PLCL2: variants seen among roughly 807,000 people sequenced by gnomAD.
PLCL2 encodes the protein phospholipase C like 2.
In PLCL2, 4 loss-of-function variants were observed where a neutral mutation model predicts 79.6. That is an observed-to-expected ratio of 0.05 (90% CI 0.02 to 0.11). The LOEUF (loss-of-function observed/expected upper bound fraction) is 0.11, where lower values mean the gene tolerates loss of function less well. PLCL2 is among the 10% of genes least tolerant of loss of function. The probability of loss-of-function intolerance (pLI) is 1.00; values close to 1 mark genes in which losing one functional copy is unlikely to be tolerated. For missense variants in PLCL2, 895 were observed against 1,291.0 expected, an observed-to-expected ratio of 0.69 and a Z score of 4.70; for synonymous variants, 484 against 457.7, an observed-to-expected ratio of 1.06 and a Z score of -0.73.
At chr3:17,069,445 G>A (rs1384865298) in intron 5 of PLCL2, among the ~76,000 whole-genome samples, 2 of 152,056 alleles carry the variant, frequency 1.3e-5, no homozygotes, top group Middle Eastern at 3.2e-3. Context: ...TCTTTGGTGG[G>A]TCCAGTTTCT....
chr3:16,957,842 G>A (rs2063720886), intron 1 of PLCL2, among the ~76,000 whole-genome samples: 1 of 152,116 alleles, frequency 6.6e-6, no homozygotes, highest in Non-Finnish European at 1.5e-5. Context: ...TCAGAGACTA[G>A]GATTGCAACC....
At chr3:16,906,690 T>G (rs1696759698) in intron 1 of PLCL2, among the ~76,000 whole-genome samples, 1 of 152,244 alleles carries the variant, frequency 6.6e-6, no homozygotes, top group Non-Finnish European at 1.5e-5. Flanking sequence ...AATTATTTTC[T>G]AAAATAAAGC....
intron 1 of PLCL2, among the ~76,000 whole-genome samples, chr3:16,982,536 A>T (rs2124989205): frequency 6.6e-6 from 1 of 152,178 alleles, no homozygotes; most frequent in East Asian, 1.9e-4. Flanking sequence ...AAGATTTTTG[A>T]ATTGAGAAGC....
intron 3 of PLCL2, among the ~76,000 whole-genome samples, chr3:17,022,801 T>A (rs2064470341): frequency 1.3e-5 from 2 of 152,226 alleles, no homozygotes; most frequent in South Asian, 4.1e-4. Context: ...AGCTTCATAC[T>A]CATCCCAGGT....
At chr3:17,063,315 C>G (rs116432998) in intron 4 of PLCL2, among the ~76,000 whole-genome samples, 866 of 59,188 alleles carry the variant, frequency 0.015, 44 homozygotes, top group African/African-American at 0.064. Context: ...CTCCTTCCTT[C>G]TTTTTTTTTA....
intron 4 of PLCL2, chr3:17,044,258 G>A (rs2064758800): frequency 6.6e-6 from 1 of 152,406 alleles, no homozygotes; most frequent in Non-Finnish European, 1.5e-5. Context: ...GGAAGGGATG[G>A]TGAGCCATCT....
chr3:17,059,452 G>A (rs909426549), intron 4 of PLCL2, among the ~76,000 whole-genome samples: 9 of 150,470 alleles, frequency 6.0e-5, no homozygotes, highest in African/African-American at 2.2e-4. Context: ...GTGTGTGTGT[G>A]TATATATATG....
chr3:17,043,644 C>G (rs1455741088), intron 4 of PLCL2, among the ~76,000 whole-genome samples: 1 of 150,990 alleles, frequency 6.6e-6, no homozygotes, highest in Non-Finnish European at 1.5e-5. Flanking sequence ...AAAAATTGTC[C>G]TGACTTTCTA....
At chr3:17,014,085 A>G (rs1413849786) in intron 2 of PLCL2, among the ~76,000 whole-genome samples, 3 of 152,222 alleles carry the variant, frequency 2.0e-5, no homozygotes, top group Non-Finnish European at 4.4e-5. Flanking sequence ...TTTAAATGGC[A>G]TATCTCTGGT....
At position 17,089,831 on chromosome 3, in the gene PLCL2, C is replaced by T; in HGVS notation, c.3303C>T (p.Gly1101=). 1 of 1,613,914 alleles carries T rather than the reference C, an allele frequency of 6.2e-7. No homozygotes were observed. The highest frequency in any genetic ancestry group is 8.5e-7 in the Non-Finnish European group (1 of 1,179,830). The change falls in exon 6 of 6, where the codon GGC becomes GGT. Residue 1101 remains glycine, a synonymous_variant. Transcript: ENST00000615277. The stretch of plus-strand genomic sequence containing the variant: ...TTTCATGTGGACTGAATAAACCAGG[C>T]ACCGAAAATGCTGATGTCCAGAAGC... ...AAVSCGLNKP[G]TENADVQKPR...
chr3:17,015,481 T>C (rs2124894032), intron 3 of PLCL2, among the ~76,000 whole-genome samples: 1 of 152,324 alleles, frequency 6.6e-6, no homozygotes, highest in East Asian at 1.9e-4. Flanking sequence ...TTACCTTGCA[T>C]TTTCTTAATC....
intron 1 of PLCL2, among the ~76,000 whole-genome samples, chr3:16,986,433 A>G (rs774518252): frequency 6.6e-6 from 1 of 151,910 alleles, no homozygotes; most frequent in Non-Finnish European, 1.5e-5. Flanking sequence ...ACAAGATCTC[A>G]CTCTGTCATC....
chr3:16,986,910 C>T (rs1191390998), intron 1 of PLCL2, among the ~76,000 whole-genome samples: 1 of 151,962 alleles, frequency 6.6e-6, no homozygotes, highest in East Asian at 1.9e-4. Context: ...ATACCTAATA[C>T]ATGTTTATGA....
chr3:17,010,595 T>G lies in PLCL2; in HGVS notation c.1249T>G (p.Phe417Val). The G allele has an allele frequency of 6.2e-7, 1 of 1,614,166 alleles. No individual in the cohort carries two copies. The highest frequency in any genetic ancestry group is 8.5e-7 in the Non-Finnish European group (1 of 1,180,012). The part of the protein sequence containing the change: ...NYLMSPDCYI[F>V]DPEHKKVCQD... ...CCTTATGTCACCTGACTGTTATATA[T>G]TCGATCCAGAACATAAGAAGGTCTG... Residue 417 changes from phenylalanine to valine, a missense_variant, in exon 2 of 6, where the codon TTC becomes GTC. By Grantham distance (50) the Phe-to-Val change is conservative (BLOSUM62 -1). This residue lies in a region of PLCL2 where 242 missense variants were observed against 399.5 expected (regional missense o/e 0.61). Coordinates refer to ENST00000615277, the MANE Select transcript of PLCL2 (RefSeq NM_001144382.2). This position sits in a 1 kb window ranked among gnomAD's most constrained non-coding sequence, Gnocchi z 5.8.
chr3:16,946,448 C>T (rs7646779), intron 1 of PLCL2, among the ~76,000 whole-genome samples: 1,804 of 151,870 alleles, frequency 0.012, 40 homozygotes, highest in African/African-American at 0.041. Flanking sequence ...TTTGGTTTAA[C>T]TACTAGTATT....
In PLCL2 at chr3:17,042,920, A is replaced by G. The variant is rs763462309; in HGVS notation, c.3065A>G (p.Tyr1022Cys). 4 of 1,612,278 alleles carry G rather than the reference A, an allele frequency of 2.5e-6. No individual in the cohort carries two copies. The highest frequency in any genetic ancestry group is 2.5e-6 in the Non-Finnish European group (3 of 1,178,532). The change falls in exon 4 of 6, where the codon TAT becomes TGT. Residue 1022 changes from tyrosine to cysteine, a missense_variant. Transcript: ENST00000615277. ...TTGATTGAAAATGCAGATGCTGTAT[A>G]TGAAAAGATCGTACATTGTCAGAAG... ...KALIENADAV[Y>C]EKIVHCQKAA... is the part of the protein sequence containing the mutation.
chr3:16,940,130 G>A (rs1018484934), intron 1 of PLCL2, among the ~76,000 whole-genome samples: 5 of 152,240 alleles, frequency 3.3e-5, no homozygotes, highest in African/African-American at 1.2e-4. Flanking sequence ...TTCCTAGGCA[G>A]CACCCTCCCT....
chr3:16,893,595 A>G (rs921413204), intron 1 of PLCL2, among the ~76,000 whole-genome samples: 1 of 152,236 alleles, frequency 6.6e-6, no homozygotes, highest in African/African-American at 2.4e-5. Context: ...TTAGAGATAC[A>G]CAAGGCCATA....
At chr3:16,913,999 C>T (rs993985595) in intron 1 of PLCL2, among the ~76,000 whole-genome samples, 7 of 152,212 alleles carry the variant, frequency 4.6e-5, no homozygotes, top group Admixed American at 6.5e-5. Context: ...GCCAGATTCT[C>T]TGATCCTGGG....
Sources: allele counts gnomAD v4.1 joint callset (sites outside exome capture counted in the v4.1 genomes callset), GRCh38; gene constraint gnomAD v4.1.1; regional missense constraint gnomAD v4.1.1; non-coding constraint Gnocchi (gnomAD v3.1); transcripts MANE v1.5; gene names NCBI Gene and HGNC (gene_info 2026-07-23, HGNC 2026-07-21).